AP4E1: variants seen among roughly 807,000 people sequenced by gnomAD.
The protein encoded by AP4E1 is adaptor related protein complex 4 subunit epsilon 1.
In AP4E1, 56 loss-of-function variants were observed where a neutral mutation model predicts 128.2. The ratio of observed to expected loss-of-function variants is 0.44; its 90% CI spans 0.35 to 0.55. The LOEUF is 0.55. Among genes scored for constraint, AP4E1 ranks in the 20% least tolerant of loss-of-function variants. The probability of loss-of-function intolerance (pLI) is 0.00; values close to 1 mark genes in which losing one functional copy is unlikely to be tolerated. For synonymous variants in AP4E1, 484 were observed against 473.1 expected, an observed-to-expected ratio of 1.02 and a Z score of -0.30; for missense variants, 1,324 against 1,307.7, an observed-to-expected ratio of 1.01 and a Z score of -0.19.
At chr15:50,986,519 C>G (rs926856465) in intron 16 of AP4E1, among the ~76,000 whole-genome samples, 11 of 151,632 alleles carry the variant, frequency 7.3e-5, no homozygotes, top group South Asian at 2.1e-4. Context: ...TAGCATGAAG[C>G]GCTGTTGAAT....
At chr15:50,946,714 A>G (rs573166044) in intron 10 of AP4E1, among the ~76,000 whole-genome samples, 10 of 152,366 alleles carry the variant, frequency 6.6e-5, no homozygotes, top group African/African-American at 2.4e-4. Flanking sequence ...AAACACCAAT[A>G]AATGATGCTT....
At chr15:50,965,924 CT>C (rs994812361) in intron 14 of AP4E1, among the ~76,000 whole-genome samples, 22 of 147,798 alleles carry the variant, frequency 1.5e-4, no homozygotes, top group East Asian at 3.9e-4. Flanking sequence ...AGAAAACTTT[CT>C]TTTTTTTTTT....
At chr15:50,952,666 T>C (rs1430882098) in intron 13 of AP4E1, among the ~76,000 whole-genome samples, 1 of 152,220 alleles carries the variant, frequency 6.6e-6, no homozygotes, top group Non-Finnish European at 1.5e-5. Flanking sequence ...AAATTGCCTT[T>C]ACTTATGTCT....
intron 13 of AP4E1, among the ~76,000 whole-genome samples, chr15:50,957,255 G>A (rs376880282): frequency 6.6e-5 from 10 of 152,174 alleles, no homozygotes; most frequent in African/African-American, 2.2e-4. Context: ...AAGGGGAGCT[G>A]ACAGGGGGAC....
rs1019027036 is a variant in AP4E1 at position 50,943,635 on chromosome 15, G to T, written c.1176+1860G>T. On this transcript the variant is annotated intron_variant, in intron 10 of 20. Coordinates refer to ENST00000261842, the MANE Select transcript of AP4E1 (RefSeq NM_007347.5). ...ACTAAGTTGAACAAAGTTGACTTAG[G>T]TACAGTTTTTTCTTATTGCTATTTG... 2.6e-5 allele frequency among the ~76,000 whole-genome samples: 4 copies of T among 152,102 alleles called. No homozygotes were observed. The South Asian group carries it at 6.2e-4, about 24-fold the overall frequency.
rs749844324 is a variant in AP4E1 at position 50,948,071 on chromosome 15, G to A, written c.1228G>A (p.Val410Ile). The stretch of plus-strand genomic sequence containing the variant: ...TAATGCACAGAATATAACAGTTATT[G>A]TCCAGAAAATGCTTGAATATTTACA... ...ITNAQNITVI[V>I]QKMLEYLHQS... The change falls in exon 11 of 21, where the codon GTC becomes ATC. Residue 410 changes from valine to isoleucine, a missense_variant. Val to Ile is a conservative substitution (Grantham distance 29). Transcript: ENST00000261842. 2 of 1,612,318 alleles carry A rather than the reference G, an allele frequency of 1.2e-6. No homozygotes were observed. Among genetic ancestry groups the A allele is most frequent in the East Asian group, 2.2e-5 (1 of 44,820 alleles).
intron 3 of AP4E1, among the ~76,000 whole-genome samples, chr15:50,920,268 C>T (rs1293451359): frequency 2.6e-5 from 4 of 151,690 alleles, no homozygotes; most frequent in East Asian, 3.9e-4. Context: ...CGCCTGCCAC[C>T]GTGCCTAGCT....
chr15:50,978,410 G>A (rs2064587392), intron 15 of AP4E1, among the ~76,000 whole-genome samples: 1 of 152,032 alleles, frequency 6.6e-6, no homozygotes. Context: ...TTAAATAATT[G>A]TAAAAATTAT....
At chr15:50,985,870 G>C (rs1040258010) in intron 16 of AP4E1, among the ~76,000 whole-genome samples, 4 of 152,088 alleles carry the variant, frequency 2.6e-5, no homozygotes, top group African/African-American at 7.2e-5. Flanking sequence ...AGCTTGATGG[G>C]GATGGCATTG....
At chr15:50,999,582 TC>T (rs1030505974) in intron 19 of AP4E1, among the ~76,000 whole-genome samples, 1 of 152,194 alleles carries the variant, frequency 6.6e-6, no homozygotes, top group African/African-American at 2.4e-5. Context: ...ACTAAATAAC[TC>T]CGAAGATTCT....
chr15:50,962,421 A>G (rs543594844), intron 14 of AP4E1, among the ~76,000 whole-genome samples: 26 of 152,230 alleles, frequency 1.7e-4, no homozygotes, highest in African/African-American at 5.3e-4. Context: ...ATACACACCA[A>G]TGGAACAGAG....
chr15:50,937,858 G>A (rs1202438047), intron 8 of AP4E1, among the ~76,000 whole-genome samples: 2 of 152,146 alleles, frequency 1.3e-5, no homozygotes, highest in Non-Finnish European at 2.9e-5. Flanking sequence ...TATTGTGGAG[G>A]ACCTGTCACA....
intron 15 of AP4E1, among the ~76,000 whole-genome samples, chr15:50,981,802 C>T (rs763593708): frequency 3.3e-5 from 5 of 151,970 alleles, no homozygotes; most frequent in Admixed American, 6.6e-5. Flanking sequence ...AAAGCAAGTT[C>T]GGGCCAGATG....
At chr15:50,910,274 C>G (rs986519663) in intron 1 of AP4E1, among the ~76,000 whole-genome samples, 1 of 152,184 alleles carries the variant, frequency 6.6e-6, no homozygotes, top group Non-Finnish European at 1.5e-5. Flanking sequence ...TGAGCCACCG[C>G]GCCGGGCCCC....
At chr15:50,966,485 A>G (rs1023787344) in intron 14 of AP4E1, among the ~76,000 whole-genome samples, 2 of 152,054 alleles carry the variant, frequency 1.3e-5, no homozygotes, top group East Asian at 1.9e-4. Context: ...TTTTCCTCCA[A>G]TAAAAAATAA....
chr15:50,910,152 A>G (rs967905282), intron 1 of AP4E1, among the ~76,000 whole-genome samples: 1 of 152,098 alleles, frequency 6.6e-6, no homozygotes, highest in Non-Finnish European at 1.5e-5. Flanking sequence ...ACGCCCGGCT[A>G]ATTTTTGTAT....
intron 20 of AP4E1, among the ~76,000 whole-genome samples, chr15:51,001,531 C>A (rs574894008): frequency 6.6e-6 from 1 of 152,210 alleles, no homozygotes; most frequent in African/African-American, 2.4e-5. Flanking sequence ...TTCCTCTCCA[C>A]CTCTTGGCAA....
At position 50,990,639 on chromosome 15, in the gene AP4E1, G is replaced by C. The variant is rs79401014; in HGVS notation, c.2091-2731G>C. ...GGGCTCAAGTGATCCGCCTGCCTCAGCGTCAGTGCTGGCATTACAGGTGTG... is the reference window on the plus strand; with the variant it reads ...GGGCTCAAGTGATCCGCCTGCCTCACCGTCAGTGCTGGCATTACAGGTGTG... On this transcript the variant is annotated intron_variant, in intron 16 of 20. Transcript: ENST00000261842. 4.3e-3 allele frequency among the ~76,000 whole-genome samples: 650 copies of C among 151,696 alleles called. 2 individuals carry two copies. The highest frequency in any genetic ancestry group is 7.2e-3 in the Non-Finnish European group (491 of 67,866).
At position 50,915,634 on chromosome 15, in the gene AP4E1, A is replaced by C. The variant is rs568511026; in HGVS notation, c.346+63A>C. On this transcript the variant is annotated intron_variant, in intron 3 of 20. Coordinates refer to ENST00000261842, the MANE Select transcript of AP4E1 (RefSeq NM_007347.5). ...GTCCTTGAAGTTGCATCTATTATAC[A>C]AAATGAATGATGGCATGTATATAGT... 46 of 1,532,414 alleles carry C rather than the reference A, an allele frequency of 3.0e-5. No individual in the cohort carries two copies. The South Asian group carries it at 4.0e-4, about 13-fold the overall frequency. The allele number at this position is 1,532,414 out of a possible 1,614,324, so 94.9% of individuals were successfully genotyped here.
Sources: gnomAD v4.1 joint callset for allele counts (sites outside exome capture counted in the v4.1 genomes callset) on GRCh38, gnomAD v4.1.1 for gene constraint, MANE v1.5 for transcripts, NCBI Gene and HGNC (gene_info 2026-07-23, HGNC 2026-07-21) for gene names.